Variants in FOXJ1 observed in about 807,000 individuals in gnomAD.
The protein encoded by FOXJ1 is forkhead box J1, also known as forkhead box protein J1.
A neutral mutation model predicts 29.3 loss-of-function variants in FOXJ1; 8 were observed. That is an observed-to-expected ratio of 0.27 (90% CI 0.16 to 0.49). The LOEUF (loss-of-function observed/expected upper bound fraction) is 0.49, where lower values mean the gene tolerates loss of function less well. FOXJ1 is among the 20% of genes least tolerant of loss of function. The probability of loss-of-function intolerance (pLI) is 0.98; values close to 1 mark genes in which losing one functional copy is unlikely to be tolerated. For missense variants in FOXJ1, 539 were observed against 595.5 expected, an observed-to-expected ratio of 0.91 and a Z score of 0.99; for synonymous variants, 280 against 278.7, an observed-to-expected ratio of 1.00 and a Z score of -0.05.
rs571679248 is a variant in FOXJ1, at chr17:76,136,359, A to T, written c.*994T>A. On this transcript the variant is annotated 3_prime_UTR_variant, in exon 3 of 3. Coordinates refer to ENST00000322957, the MANE Select transcript of FOXJ1 (RefSeq NM_001454.4). The surrounding 1 kb of genome is among the most constrained non-coding windows in gnomAD (Gnocchi z 4.9). ...TTAGATTTTTAAAAATTTTATTTTT[A>T]AAAACTTTTCATTGTAAATAACTTT... The T allele has an allele frequency of 6.6e-6, 1 of 152,312 alleles. No homozygotes were observed. Among genetic ancestry groups the T allele is most frequent in the East Asian group, 1.9e-4 (1 of 5,184 alleles). The allele number at this position is 152,312 out of a possible 1,614,324, so 9.4% of individuals were successfully genotyped here.
Position 76,140,373 on chromosome 17 carries a change from A to G in FOXJ1, c.23T>C (p.Leu8Pro). The G allele has an allele frequency of 6.7e-7, 1 of 1,484,708 alleles. No individual in the cohort carries two copies. The highest frequency in any genetic ancestry group is 2.5e-5 in the Admixed American group (1 of 40,438). The allele number at this position is 1,484,708 out of a possible 1,614,324, so 92.0% of individuals were successfully genotyped here. A position where few individuals can be genotyped will look rare whatever the true frequency, so the allele number is the denominator to read the frequency against. The change falls in exon 2 of 3, where the codon CTC becomes CCC. Residue 8 changes from leucine to proline, a missense_variant. By Grantham distance (98) the Leu-to-Pro change is moderately conservative. Transcript: ENST00000322957. The surrounding 1 kb of genome is among the most constrained non-coding windows in gnomAD (Gnocchi z 8.0). Reference sequence around the variant, plus strand: ...CTCCTCCGCCGGCCCGGCTCCCGAGAGGCGCAGCCAGCTCTCCGCCATGTC... The same window carrying G: ...CTCCTCCGCCGGCCCGGCTCCCGAGGGGCGCAGCCAGCTCTCCGCCATGTC... Reference protein sequence around the residue: MAESWLRLSGAGPAEEAG... With the variant: MAESWLRPSGAGPAEEAG...
At position 76,139,847 on chromosome 17, in the gene FOXJ1, G is replaced by A; in HGVS notation, c.498+51C>T. 1 of 1,547,038 alleles carries A rather than the reference G, an allele frequency of 6.5e-7. No individual in the cohort carries two copies. Among genetic ancestry groups the A allele is most frequent in the Non-Finnish European group, 8.7e-7 (1 of 1,143,606 alleles). ...GGGATATGAATCCAGTGCAGCGTGG[G>A]GAGCGAGGAGGGAATGGGGAGGGAG... On this transcript the variant is annotated intron_variant, in intron 2 of 2. Transcript: ENST00000322957. The surrounding 1 kb of genome is among the most constrained non-coding windows in gnomAD (Gnocchi z 6.6).
intron 2 of FOXJ1, among the ~76,000 whole-genome samples, chr17:76,138,462 C>G (rs190870073): frequency 6.6e-6 from 1 of 152,178 alleles, no homozygotes; most frequent in African/African-American, 2.4e-5. Flanking sequence ...CCAAAGCCCT[C>G]GGCTCCCCCA....
intron 2 of FOXJ1, among the ~76,000 whole-genome samples, chr17:76,138,498 C>G (rs1448629074): frequency 3.3e-5 from 5 of 152,144 alleles, no homozygotes; most frequent in Non-Finnish European, 5.9e-5. Flanking sequence ...TCTCCCTTTG[C>G]CTGGGCCTGG....
chr17:76,137,399 A>G lies in FOXJ1; in HGVS notation c.1220T>C (p.Leu407Pro). The change falls in exon 3 of 3, where the codon CTG becomes CCG. Residue 407 changes from leucine (L) to proline (P), a missense_variant. Leu to Pro is a moderately conservative substitution (Grantham distance 98). Around this residue, in one of 3 missense-constraint regions of FOXJ1, gnomAD observed 302 missense variants for 293.6 expected, o/e 1.03. Transcript: ENST00000322957. The surrounding 1 kb of genome is among the most constrained non-coding windows in gnomAD (Gnocchi z 9.5). ...GGCCCAGTCCTGCAGGTCGGAGGCCAGGGTGGCATCCCCAGCCTCAAAGAG... is the reference window on the plus strand; with the variant it reads ...GGCCCAGTCCTGCAGGTCGGAGGCCGGGGTGGCATCCCCAGCCTCAAAGAG... ...EPLFEAGDAT[L>P]ASDLQDWASV... 1 of 1,531,274 alleles carries G rather than the reference A, an allele frequency of 6.5e-7. No individual in the cohort carries two copies. Among genetic ancestry groups the G allele is most frequent in the Non-Finnish European group, 8.8e-7 (1 of 1,142,790 alleles). 94.9% of individuals were successfully genotyped at this position (1,531,274 alleles called of 1,614,324 possible).
rs2068487276 is a variant in FOXJ1 at position 76,137,575 on chromosome 17, G to T, written c.1044C>A (p.Ile348=). 1 of 1,598,910 alleles carries T rather than the reference G, an allele frequency of 6.3e-7. No homozygotes were observed. Among genetic ancestry groups the T allele is most frequent in the African/African-American group, 1.3e-5 (1 of 74,702 alleles). ...CAGGGCAGTCGATGTGGCGGCCGTG[G>T]ATGGTGAGGTCCACGTCCACGTGTG... ...PASHVDVDLT[I]HGRHIDCPAT... The change falls in exon 3 of 3, where the codon ATC becomes ATA. Residue 348 remains isoleucine (I), a synonymous_variant. Coordinates refer to ENST00000322957, the MANE Select transcript of FOXJ1 (RefSeq NM_001454.4). This position sits in a 1 kb window ranked among gnomAD's most constrained non-coding sequence, Gnocchi z 9.5.
chr17:76,138,110 C>T lies in FOXJ1; in HGVS notation c.509G>A (p.Arg170His). Residue 170 changes from arginine (R) to histidine (H), a missense_variant, in exon 3 of 3, where the codon CGC (arginine) becomes CAC (histidine). Arg to His is a conservative substitution (Grantham distance 29). Around this residue, in one of 3 missense-constraint regions of FOXJ1, gnomAD observed 178 missense variants for 254.4 expected, o/e 0.70. Transcript: ENST00000322957. ...HADPTWQNSI[R>H]HNLSLNKCFI... ...GCACTTGTTCAGAGACAGGTTGTGGCGGATTGAATTCTGGGTGCAGGGAGA... is the reference window on the plus strand; with the variant it reads ...GCACTTGTTCAGAGACAGGTTGTGGTGGATTGAATTCTGGGTGCAGGGAGA... The T allele has an allele frequency of 6.2e-7, 1 of 1,613,558 alleles. No homozygotes were observed. The highest frequency in any genetic ancestry group is 8.5e-7 in the Non-Finnish European group (1 of 1,179,944).
In FOXJ1 at chr17:76,137,680, G is replaced by T. The variant is rs1273359721; in HGVS notation, c.939C>A (p.Ala313=). 1.9e-6 allele frequency: 3 copies of T among 1,612,450 alleles called. No individual in the cohort carries two copies. Among genetic ancestry groups the T allele is most frequent in the Non-Finnish European group, 2.5e-6 (3 of 1,179,698 alleles). ...CGCCCAGAGTGCCGGCGTCGAAGATGGCCTCCCAGTCAAAGTTGCCTTTGA... is the reference window on the plus strand; with the variant it reads ...CGCCCAGAGTGCCGGCGTCGAAGATTGCCTCCCAGTCAAAGTTGCCTTTGA... ...EPLKGNFDWE[A]IFDAGTLGGE... The change falls in exon 3 of 3, where the codon GCC becomes GCA. Residue 313 remains alanine (A), a synonymous_variant. Transcript: ENST00000322957. This position sits in a 1 kb window ranked among gnomAD's most constrained non-coding sequence, Gnocchi z 9.5.
At position 76,139,898 on chromosome 17, in the gene FOXJ1, C is replaced by T. The variant is rs755457743; in HGVS notation, c.498G>A (p.Gln166=). The change falls in exon 2 of 3, where the codon CAG becomes CAA. Residue 166 remains glutamine (Q), a splice_region_variant and synonymous_variant. Transcript: ENST00000322957. This position sits in a 1 kb window ranked among gnomAD's most constrained non-coding sequence, Gnocchi z 6.6. ...CGGCCGCCGCCCGTGCCTCCTCTAC[C>T]TGCCAGGTGGGATCTGCGTGGCGGA... ...CYFRHADPTW[Q]NSIRHNLSLN... The T allele has an allele frequency of 6.3e-7, 1 of 1,586,704 alleles. No individual in the cohort carries two copies. Among genetic ancestry groups the T allele is most frequent in the African/African-American group, 1.3e-5 (1 of 74,400 alleles).
Position 76,137,481 on chromosome 17 carries a change from A to G in FOXJ1, c.1138T>C (p.Ser380Pro). 6.3e-7 allele frequency: 1 copy of G among 1,576,034 alleles called. No individual in the cohort carries two copies. The highest frequency in any genetic ancestry group is 1.3e-5 in the African/African-American group (1 of 74,308). Residue 380 changes from serine to proline, a missense_variant, in exon 3 of 3, where the codon TCC becomes CCC. Coordinates refer to ENST00000322957, the MANE Select transcript of FOXJ1 (RefSeq NM_001454.4). This position sits in a 1 kb window ranked among gnomAD's most constrained non-coding sequence, Gnocchi z 9.5. ...TCGTCCCAGGGGTGCTGCAGGAAGG[A>G]TGTGGCCAGGAAGGTCTCATCGAAG... ...LDFDETFLAT[S>P]FLQHPWDESG...
Position 76,140,443 on chromosome 17 carries a change from C to CG in FOXJ1, c.-49dup. On this transcript the variant is annotated 5_prime_UTR_variant, in exon 2 of 3. Coordinates refer to ENST00000322957, the MANE Select transcript of FOXJ1 (RefSeq NM_001454.4). This position sits in a 1 kb window ranked among gnomAD's most constrained non-coding sequence, Gnocchi z 8.0. Reference sequence around the variant, plus strand: ...GGCGGTCAGCATCCACGGGCTGAGCCGGGGGTGGCCCGCCGCGCTCTCTGG... The same window carrying CG: ...GGCGGTCAGCATCCACGGGCTGAGCCGGGGGGTGGCCCGCCGCGCTCTCTGG... The CG allele has an allele frequency of 7.3e-7, 1 of 1,368,660 alleles. No individual in the cohort carries two copies. The highest frequency in any genetic ancestry group is 9.4e-7 in the Non-Finnish European group (1 of 1,067,706). The allele number at this position is 1,368,660 out of a possible 1,614,324, so 84.8% of individuals were successfully genotyped here. A position where few individuals can be genotyped will look rare whatever the true frequency, so the allele number is the denominator to read the frequency against.
chr17:76,140,278 G>C lies in FOXJ1; in HGVS notation c.118C>G (p.Gln40Glu). ...TTGGCGTTGAGAATGGAGAATTCCT[G>C]CAGCCACTGCAGGCTGGTCAGGCTG... ...DDSLTSLQWL[Q>E]EFSILNAKAP... Residue 40 changes from glutamine to glutamate, a missense_variant, in exon 2 of 3, where the codon CAG (glutamine) becomes GAG (glutamate). Gln to Glu is a conservative substitution (Grantham distance 29, BLOSUM62 2). This residue lies in a region of FOXJ1 where 178 missense variants were observed against 254.4 expected (regional missense o/e 0.70). Coordinates refer to ENST00000322957, the MANE Select transcript of FOXJ1 (RefSeq NM_001454.4). The surrounding 1 kb of genome is among the most constrained non-coding windows in gnomAD (Gnocchi z 8.0). 1 of 1,479,800 alleles carries C rather than the reference G, an allele frequency of 6.8e-7. No individual in the cohort carries two copies. The allele number at this position is 1,479,800 out of a possible 1,614,324, so 91.7% of individuals were successfully genotyped here.
Position 76,137,845 on chromosome 17 carries a change from G to A in FOXJ1, c.774C>T (p.Thr258=), listed in dbSNP as rs974181711. ...QQLLREFEEA[T]GEAGWGAGEG... is the part of the protein sequence containing the mutation. ...CGCCTGCACCCCAGCCCGCCTCCCC[G>A]GTGGCCTCCTCGAACTCCCGCAGCA... is the stretch of plus-strand genomic sequence containing the variant. Residue 258 remains threonine, a synonymous_variant, in exon 3 of 3, where the codon ACC becomes ACT. Coordinates refer to ENST00000322957, the MANE Select transcript of FOXJ1 (RefSeq NM_001454.4). This position sits in a 1 kb window ranked among gnomAD's most constrained non-coding sequence, Gnocchi z 9.5. 4.4e-6 allele frequency: 7 copies of A among 1,592,098 alleles called. No individual in the cohort carries two copies. The highest frequency in any genetic ancestry group is 3.4e-5 in the South Asian group (3 of 88,940).
chr17:76,136,986 G>A lies in FOXJ1; in HGVS notation c.*367C>T, dbSNP rs898259475. The A allele has an allele frequency of 2.4e-5, 5 of 209,702 alleles. No homozygotes were observed. Among genetic ancestry groups the A allele is most frequent in the East Asian group, 1.0e-4 (1 of 9,800 alleles). The allele number at this position is 209,702 out of a possible 1,614,324, so 13.0% of individuals were successfully genotyped here. ...CTGGGGAAGCAGGGGGGAAGCGGAG[G>A]TGCTCTGGGAGGGCCCAGTTCTGTT... On this transcript the variant is annotated 3_prime_UTR_variant, in exon 3 of 3. Coordinates refer to ENST00000322957, the MANE Select transcript of FOXJ1 (RefSeq NM_001454.4). The surrounding 1 kb of genome is among the most constrained non-coding windows in gnomAD (Gnocchi z 4.9).
intron 2 of FOXJ1, among the ~76,000 whole-genome samples, chr17:76,138,681 C>T (rs971967262): frequency 6.6e-6 from 1 of 152,250 alleles, no homozygotes; most frequent in East Asian, 1.9e-4. Context: ...CGGCCCCCTC[C>T]CCCCACTCCA....
At position 76,140,674 on chromosome 17, in the gene FOXJ1, T is replaced by C; in HGVS notation, c.-169-110A>G. On this transcript the variant is annotated intron_variant, in intron 1 of 2. Coordinates refer to ENST00000322957, the MANE Select transcript of FOXJ1 (RefSeq NM_001454.4). This position sits in a 1 kb window ranked among gnomAD's most constrained non-coding sequence, Gnocchi z 8.0. ...CCCGCAGCTGGGGAGGATCTTTTAG[T>C]GCCGAGGTATGGGAAACAGAAGCAA... 2.5e-6 allele frequency: 1 copy of C among 404,980 alleles called. No homozygotes were observed. Among genetic ancestry groups the C allele is most frequent in the Non-Finnish European group, 4.4e-6 (1 of 229,006 alleles). The allele number at this position is 404,980 out of a possible 1,614,324, so 25.1% of individuals were successfully genotyped here.
chr17:76,138,426 C>G (rs1299505744), intron 2 of FOXJ1, among the ~76,000 whole-genome samples: 1 of 152,202 alleles, frequency 6.6e-6, no homozygotes, highest in Non-Finnish European at 1.5e-5. Flanking sequence ...CCCTCCCTCC[C>G]TCACCCTGCC....
chr17:76,137,910 G>C lies in FOXJ1; in HGVS notation c.709C>G (p.Arg237Gly), dbSNP rs370307858. Residue 237 changes from arginine to glycine, a missense_variant, in exon 3 of 3, where the codon CGG (arginine) becomes GGG (glycine). Arg to Gly is a moderately radical substitution (Grantham distance 125). Around this residue, in one of 3 missense-constraint regions of FOXJ1, gnomAD observed 302 missense variants for 293.6 expected, o/e 1.03. Transcript: ENST00000322957. The surrounding 1 kb of genome is among the most constrained non-coding windows in gnomAD (Gnocchi z 9.5). The stretch of plus-strand genomic sequence containing the variant: ...GTATTCACCGTCAGCGGCCCGGCCC[G>C]GGGGACAGCGCTGGGCTCCTGCGCG... ...QAAQEPSAVP[R>G]AGPLTVNTEA... The C allele has an allele frequency of 8.1e-5, 127 of 1,564,668 alleles. 3 individuals are homozygous for C. Among genetic ancestry groups the C allele is most frequent in the South Asian group, 7.0e-4 (60 of 85,660 alleles).
rs532331464 is a variant in FOXJ1 at position 76,139,768 on chromosome 17, G to A, written c.498+130C>T. The A allele has an allele frequency of 1.1e-6, 1 of 940,618 alleles. No homozygotes were observed. Among genetic ancestry groups the A allele is most frequent in the African/African-American group, 1.6e-5 (1 of 60,814 alleles). 58.3% of individuals were successfully genotyped at this position (940,618 alleles called of 1,614,324 possible). A position where few individuals can be genotyped will look rare whatever the true frequency, so the allele number is the denominator to read the frequency against. On this transcript the variant is annotated intron_variant, in intron 2 of 2. Transcript: ENST00000322957. The surrounding 1 kb of genome is among the most constrained non-coding windows in gnomAD (Gnocchi z 6.6). ...TTGCAAGAACTGGGCTCCTTTGCAG[G>A]GCTCCCTTCTGGGGCGCTGGCCGCA...
Sources: gnomAD v4.1 joint callset for allele counts (sites outside exome capture counted in the v4.1 genomes callset) on GRCh38, gnomAD v4.1.1 for gene constraint, gnomAD v4.1.1 regional missense constraint, Gnocchi (gnomAD v3.1) non-coding constraint, MANE v1.5 for transcripts, NCBI Gene and HGNC (gene_info 2026-07-23, HGNC 2026-07-21) for gene names.